The following HP1BP3 variants were observed in gnomAD, a reference collection of about 807,000 sequenced individuals.
HP1BP3 encodes heterochromatin protein 1 binding protein 3, also known as heterochromatin protein 1-binding protein 3.
In HP1BP3, 12 loss-of-function variants were observed where a neutral mutation model predicts 62.5. That is an observed-to-expected ratio of 0.19 (90% CI 0.12 to 0.31). The LOEUF is 0.31. Ranked by LOEUF, HP1BP3 falls within the 10% of genes least tolerant of loss-of-function variation. HP1BP3 has a pLI of 1.00. For synonymous variants in HP1BP3, 260 were observed against 237.8 expected, an observed-to-expected ratio of 1.09 and a Z score of -0.86; for missense variants, 502 against 651.8, an observed-to-expected ratio of 0.77 and a Z score of 2.50.
chr1:20,783,590 T>C (rs1234353494), intron 1 of HP1BP3, among the ~76,000 whole-genome samples: 1 of 151,470 alleles, frequency 6.6e-6, no homozygotes, highest in Non-Finnish European at 1.5e-5. Context: ...ATTTCCTTAG[T>C]AAAAGCTGTA....
intron 6 of HP1BP3, among the ~76,000 whole-genome samples, chr1:20,770,578 G>T (rs1050202221): frequency 1.3e-5 from 2 of 152,082 alleles, no homozygotes; most frequent in Non-Finnish European, 2.9e-5. Flanking sequence ...GCCTCCCAAG[G>T]TGCTGGGACT....
chr1:20,770,363 G>T (rs1040439286), intron 6 of HP1BP3, among the ~76,000 whole-genome samples: 1 of 152,134 alleles, frequency 6.6e-6, no homozygotes, highest in Non-Finnish European at 1.5e-5. Context: ...CACTCTCACC[G>T]AGGCTGGAGT....
chr1:20,743,394 T>C lies in HP1BP3; in HGVS notation c.*1403A>G, dbSNP rs368101985. On this transcript the variant is annotated 3_prime_UTR_variant, in exon 13 of 13. Coordinates refer to ENST00000438032, the MANE Select transcript of HP1BP3 (RefSeq NM_001372052.1). ...TCAAGAAGATTTGGGCCGTGAGTGG[T>C]AGCTCACATCTGTAACCCCAGGATT... is the stretch of plus-strand genomic sequence containing the variant. The C allele has an allele frequency of 2.6e-5, 4 of 152,422 alleles. No homozygotes were observed. The East Asian group carries it at 7.7e-4, about 29-fold the overall frequency. 9.4% of individuals were successfully genotyped at this position (152,422 alleles called of 1,614,324 possible). A position where few individuals can be genotyped will look rare whatever the true frequency, so the allele number is the denominator to read the frequency against.
chr1:20,743,397 C>T lies in HP1BP3; in HGVS notation c.*1400G>A, dbSNP rs976536308. The T allele has an allele frequency of 8.5e-5, 13 of 152,412 alleles. No individual in the cohort carries two copies. The East Asian group carries it at 2.1e-3, about 25-fold the overall frequency. 9.4% of individuals were successfully genotyped at this position (152,412 alleles called of 1,614,324 possible). A position where few individuals can be genotyped will look rare whatever the true frequency, so the allele number is the denominator to read the frequency against. On this transcript the variant is annotated 3_prime_UTR_variant, in exon 13 of 13. Coordinates refer to ENST00000438032, the MANE Select transcript of HP1BP3 (RefSeq NM_001372052.1). ...AGAAGATTTGGGCCGTGAGTGGTAGCTCACATCTGTAACCCCAGGATTTTG... is the reference window on the plus strand; with the variant it reads ...AGAAGATTTGGGCCGTGAGTGGTAGTTCACATCTGTAACCCCAGGATTTTG...
chr1:20,747,787 T>C, intron 10 of HP1BP3, 132 bp from the exon 11 acceptor site: 1 of 623,502 alleles, frequency 1.6e-6, no homozygotes, highest in Non-Finnish European at 2.9e-6. Context: ...GTGAATCCTA[T>C]GTGTTCAAAG....
intron 7 of HP1BP3, 54 bp downstream of exon 7, chr1:20,767,530 T>G (rs372079519): frequency 1.7e-6 from 2 of 1,154,828 alleles, no homozygotes; most frequent in African/African-American, 1.5e-5. Flanking sequence ...ATGTTGCTAT[T>G]TTTAGTAGCA....
At position 20,779,918 on chromosome 1, in the gene HP1BP3, A is replaced by G; in HGVS notation, c.97-7T>C. The G allele has an allele frequency of 6.2e-7, 1 of 1,604,746 alleles. No individual in the cohort carries two copies. Among genetic ancestry groups the G allele is most frequent in the Non-Finnish European group, 8.5e-7 (1 of 1,174,364 alleles). Reference sequence around the variant, plus strand: ...TGGTGCTATCTTCTACCTTCTAAGAAAAGAGATGGCCATAATCAAACATGC... The same window carrying G: ...TGGTGCTATCTTCTACCTTCTAAGAGAAGAGATGGCCATAATCAAACATGC... On this transcript the variant is annotated splice_region_variant and splice_polypyrimidine_tract_variant and intron_variant, in intron 2 of 12. Coordinates refer to ENST00000438032, the MANE Select transcript of HP1BP3 (RefSeq NM_001372052.1).
At chr1:20,775,901 T>C (rs1005033731) in intron 4 of HP1BP3, 4 of 1,446,072 alleles carry the variant, frequency 2.8e-6, no homozygotes, top group Non-Finnish European at 3.7e-6. Context: ...GATGTATCTC[T>C]CAGAATGTAT....
chr1:20,748,018 G>A (rs1416506089), intron 10 of HP1BP3, among the ~76,000 whole-genome samples: 1 of 151,420 alleles, frequency 6.6e-6, no homozygotes, highest in Non-Finnish European at 1.5e-5. Flanking sequence ...TACCTGGCAA[G>A]AGTTATAATG....
At chr1:20,784,377 G>A (rs1361337146) in intron 1 of HP1BP3, among the ~76,000 whole-genome samples, 2 of 151,916 alleles carry the variant, frequency 1.3e-5, no homozygotes, top group African/African-American at 2.4e-5. Flanking sequence ...TTCATTTGCT[G>A]CATACCTGAT....
intron 11 of HP1BP3, 78 bp from the exon 12 acceptor site, chr1:20,745,734 C>T: frequency 6.9e-7 from 1 of 1,449,514 alleles, no homozygotes; most frequent in Non-Finnish European, 9.5e-7. Context: ...ATGCTCTTAC[C>T]TGGACATATC....
Position 20,759,928 on chromosome 1 carries a change from G to A in HP1BP3, c.891-2672C>T, listed in dbSNP as rs186461561. ...CCCCGAGACAGAGTCTTGCTCTGTC[G>A]CCCAGGCTGGAGTGCAGTGGCACAA... On this transcript the variant is annotated intron_variant, in intron 8 of 12. Transcript: ENST00000438032. 4.6e-4 allele frequency among the ~76,000 whole-genome samples: 60 copies of A among 130,208 alleles called. 1 individual carries two copies. Among genetic ancestry groups the A allele is most frequent in the African/African-American group, 1.6e-3 (52 of 33,338 alleles). The allele number at this position is 130,208 out of a possible 152,430, so 85.4% of individuals were successfully genotyped here.
rs1012685529 is a variant in HP1BP3 at position 20,759,859 on chromosome 1, T to C, written c.891-2603A>G. Among the ~76,000 whole-genome samples the C allele has an allele frequency of 2.7e-5, 4 of 150,076 alleles. No individual in the cohort carries two copies. In the East Asian group the frequency reaches 7.8e-4, roughly 29 times the overall value. On this transcript the variant is annotated intron_variant, in intron 8 of 12. Coordinates refer to ENST00000438032, the MANE Select transcript of HP1BP3 (RefSeq NM_001372052.1). ...AGAGATACAAGTGAGTGTAGTGCCT[T>C]GTGGGCCATTTTAAAGACCGATTTT...
chr1:20,775,804 A>G lies in HP1BP3; in HGVS notation c.350+793T>C, dbSNP rs915031624. On this transcript the variant is annotated intron_variant, in intron 4 of 12. Coordinates refer to ENST00000438032, the MANE Select transcript of HP1BP3 (RefSeq NM_001372052.1). ...TAGCCTAGAAGCAACAGACTATCCCATAAAGCCTAGGTATGTAGTAGGCTG... is the reference window on the plus strand; with the variant it reads ...TAGCCTAGAAGCAACAGACTATCCCGTAAAGCCTAGGTATGTAGTAGGCTG... 5.1e-6 allele frequency: 3 copies of G among 591,148 alleles called. No homozygotes were observed. In the African/African-American group the frequency reaches 5.8e-5, roughly 11 times the overall value. The allele number at this position is 591,148 out of a possible 1,614,324, so 36.6% of individuals were successfully genotyped here. A position where few individuals can be genotyped will look rare whatever the true frequency, so the allele number is the denominator to read the frequency against.
At chr1:20,749,483 C>G (rs190295875) in intron 10 of HP1BP3, among the ~76,000 whole-genome samples, 5 of 151,776 alleles carry the variant, frequency 3.3e-5, no homozygotes, top group Admixed American at 2.0e-4. Flanking sequence ...CTCAGCCTCC[C>G]GAGTAGCTGG....
At chr1:20,754,470 G>GT (rs554461708) in intron 9 of HP1BP3, among the ~76,000 whole-genome samples, 6,197 of 143,070 alleles carry the variant, frequency 0.043, 140 homozygotes, top group African/African-American at 0.071. Flanking sequence ...TGTTTTTTTG[G>GT]TTTTTTTTTT....
intron 9 of HP1BP3, among the ~76,000 whole-genome samples, chr1:20,752,418 C>T (rs891505316): frequency 6.6e-6 from 1 of 151,886 alleles, no homozygotes; most frequent in Non-Finnish European, 1.5e-5. Context: ...CGTCTACCTC[C>T]CGAGTAGCTG....
rs16824604 is a variant in HP1BP3, at chr1:20,772,850, A to G, written c.510+601T>C. On this transcript the variant is annotated intron_variant, in intron 5 of 12. Transcript: ENST00000438032. ...CTTTAAAAATTAAAATAGGAAAACT[A>G]CATCTAATGAAAGTCAATGAAATCA... Among the ~76,000 whole-genome samples the G allele has an allele frequency of 5.1e-3, 780 of 152,378 alleles. 7 individuals carry two copies. Among genetic ancestry groups the G allele is most frequent in the African/African-American group, 0.018 (749 of 41,586 alleles).
Position 20,776,763 on chromosome 1 carries a change from G to A in HP1BP3, c.197-13C>T, listed in dbSNP as rs1207534333. The A allele has an allele frequency of 5.0e-6, 8 of 1,605,922 alleles. No individual in the cohort carries two copies. The highest frequency in any genetic ancestry group is 1.7e-5 in the Admixed American group (1 of 58,420). The stretch of plus-strand genomic sequence containing the variant: ...CTTATGTCTGGTTCTAAAAAATCAG[G>A]TGAGCAGAATTGCATAAGCAGATGT... On this transcript the variant is annotated splice_polypyrimidine_tract_variant and intron_variant, in intron 3 of 12. Coordinates refer to ENST00000438032, the MANE Select transcript of HP1BP3 (RefSeq NM_001372052.1).
Sources: allele counts gnomAD v4.1 joint callset (sites outside exome capture counted in the v4.1 genomes callset), GRCh38; gene constraint gnomAD v4.1.1; transcripts MANE v1.5; gene names NCBI Gene and HGNC (gene_info 2026-07-23, HGNC 2026-07-21).